CIP2A: variants seen among roughly 807,000 people sequenced by gnomAD.
The protein encoded by CIP2A is protein CIP2A.
CIP2A carries 103 observed loss-of-function variants against 110.9 expected under a neutral mutation model. The observed-to-expected ratio is 0.93, with a 90% confidence interval of 0.79 to 1.09. The LOEUF (loss-of-function observed/expected upper bound fraction) is 1.09, where lower values mean the gene tolerates loss of function less well. Among genes scored for constraint, CIP2A ranks in the 50% least tolerant of loss-of-function variants. The pLI is 0.00. For synonymous variants in CIP2A, 381 were observed against 361.6 expected (o/e 1.05, Z -0.61); for missense variants, 1,088 against 1,038.4 (o/e 1.05, Z -0.66).
At chr3:108,588,132 T>C (rs1044934128) in intron 1 of CIP2A, among the ~76,000 whole-genome samples, 2 of 152,176 alleles carry the variant, frequency 1.3e-5, no homozygotes. Context: ...TGCTTCAGAA[T>C]AGCATACAAA....
intron 14 of CIP2A, among the ~76,000 whole-genome samples, chr3:108,560,313 AG>A (rs1380263316): frequency 6.6e-6 from 1 of 152,046 alleles, no homozygotes; most frequent in Non-Finnish European, 1.5e-5. Context: ...CTGAGACAAC[AG>A]GCATGAGCCA....
rs537711957 is a variant in CIP2A at position 108,586,015 on chromosome 3, A to C, written c.103-803T>G. Among the ~76,000 whole-genome samples, 3 of 152,268 alleles carry C rather than the reference A, an allele frequency of 2.0e-5. No individual in the cohort carries two copies. The East Asian group carries it at 5.8e-4, about 29-fold the overall frequency. On this transcript the variant is annotated intron_variant, in intron 1 of 20. Coordinates refer to ENST00000295746, the MANE Select transcript of CIP2A (RefSeq NM_020890.3). ...AATTTTCAACATACTTTATGGATGT[A>C]TTTATTACAAAGCATATCTTTTCTA...
intron 16 of CIP2A, 29 bp from the exon 17 acceptor site, chr3:108,557,443 C>A: frequency 6.6e-7 from 1 of 1,510,982 alleles, no homozygotes; most frequent in Non-Finnish European, 9.0e-7. Context: ...ATAGACTTTA[C>A]CACTATCATC....
At chr3:108,561,119 CAA>C (rs1476643044) in intron 13 of CIP2A, among the ~76,000 whole-genome samples, 1 of 152,086 alleles carries the variant, frequency 6.6e-6, no homozygotes, top group Non-Finnish European at 1.5e-5. Context: ...GTAATAAGTA[CAA>C]AGTTATTGGT....
chr3:108,577,885 C>CGA (rs1434547004), intron 7 of CIP2A, among the ~76,000 whole-genome samples: 1 of 151,958 alleles, frequency 6.6e-6, no homozygotes, highest in Non-Finnish European at 1.5e-5. Context: ...GGCAATAGAG[C>CGA]GAGACTCTGT....
chr3:108,583,316 GAT>G (rs775112057), intron 2 of CIP2A, among the ~76,000 whole-genome samples: 2 of 151,804 alleles, frequency 1.3e-5, no homozygotes, highest in Non-Finnish European at 2.9e-5. Context: ...CTTTTTCTTT[GAT>G]ACTAATTATT....
At position 108,563,372 on chromosome 3, in the gene CIP2A, GA is replaced by G. The variant is rs148610145; in HGVS notation, c.1516-129del. 1,534 of 664,490 alleles carry G rather than the reference GA, an allele frequency of 2.3e-3. 11 individuals are homozygous for G. The African/African-American group carries it at 0.024, about 10-fold the overall frequency. The allele number at this position is 664,490 out of a possible 1,614,324, so 41.2% of individuals were successfully genotyped here. A position where few individuals can be genotyped will look rare whatever the true frequency, so the allele number is the denominator to read the frequency against. On this transcript the variant is annotated intron_variant, in intron 12 of 20. Transcript: ENST00000295746. Reference sequence around the variant, plus strand: ...AAATTCTAAAATGTTTCTAATGTTTGAATATATTATAGTCTATATAGTTTGA... The same window carrying G: ...AAATTCTAAAATGTTTCTAATGTTTGATATATTATAGTCTATATAGTTTGA...
Position 108,589,400 on chromosome 3 carries a change from G to A in CIP2A, c.-25C>T, listed in dbSNP as rs1271348623. ...TTGCACCGGCCGCGGCCCGGCTTAG[G>A]GACCACCACCGCCCAGCGTGCGCCG... On this transcript the variant is annotated 5_prime_UTR_variant, in exon 1 of 21. Transcript: ENST00000295746. 2 of 1,551,884 alleles carry A rather than the reference G, an allele frequency of 1.3e-6. No individual in the cohort carries two copies. Among genetic ancestry groups the A allele is most frequent in the South Asian group, 1.1e-5 (1 of 87,990 alleles).
chr3:108,568,954 T>C (rs915961672), intron 9 of CIP2A, among the ~76,000 whole-genome samples: 3 of 151,072 alleles, frequency 2.0e-5, no homozygotes. Context: ...ATGTGGAGTT[T>C]TGTCTGTATC....
chr3:108,582,505 C>G (rs1007971545), intron 3 of CIP2A, among the ~76,000 whole-genome samples: 1 of 152,170 alleles, frequency 6.6e-6, no homozygotes, highest in Non-Finnish European at 1.5e-5. Context: ...TTTATCACCT[C>G]TAAAACTGCA....
intron 1 of CIP2A, among the ~76,000 whole-genome samples, chr3:108,588,565 A>C (rs569788612): frequency 6.6e-6 from 1 of 152,354 alleles, no homozygotes; most frequent in East Asian, 1.9e-4. Flanking sequence ...ACAGAGAGTT[A>C]AAATAAGCCT....
chr3:108,587,430 GTA>G (rs983383042), intron 1 of CIP2A, among the ~76,000 whole-genome samples: 3 of 152,156 alleles, frequency 2.0e-5, no homozygotes, highest in Non-Finnish European at 4.4e-5. Context: ...AGTACATATT[GTA>G]TGAGTCTACT....
chr3:108,580,621 ATT>A (rs1237931059), intron 5 of CIP2A, among the ~76,000 whole-genome samples: 3 of 151,412 alleles, frequency 2.0e-5, no homozygotes, highest in Admixed American at 2.0e-4. Flanking sequence ...GACTTGCTTG[ATT>A]TAATATACTT....
rs1938782691 is a variant in CIP2A at position 108,579,324 on chromosome 3, T to C, written c.775A>G (p.Met259Val). 4 of 1,609,616 alleles carry C rather than the reference T, an allele frequency of 2.5e-6. No individual in the cohort carries two copies. The highest frequency in any genetic ancestry group is 4.5e-5 in the East Asian group (2 of 44,708). Residue 259 changes from methionine to valine, a missense_variant, in exon 7 of 21, where the codon ATG becomes GTG. Transcript: ENST00000295746. ...LTRKYSVDLL[M>V]DLLKNPKIAD... is the part of the protein sequence containing the mutation. ...ATTTTAGGATTCTTAAGGAGATCCA[T>C]CAGTAGGTCAACTGAATACTTTCTA...
Position 108,575,844 on chromosome 3 carries a change from T to A in CIP2A, c.894+427A>T, listed in dbSNP as rs201054860. ...CATGTGTATATACGTGTATATATAC[T>A]CATATACATGTGTATATACACGTAT... On this transcript the variant is annotated intron_variant, in intron 8 of 20. Coordinates refer to ENST00000295746, the MANE Select transcript of CIP2A (RefSeq NM_020890.3). Among the ~76,000 whole-genome samples, 4 of 113,382 alleles carry A rather than the reference T, an allele frequency of 3.5e-5. 1 individual carries two copies. Among genetic ancestry groups the A allele is most frequent in the African/African-American group, 5.7e-5 (2 of 34,890 alleles). The allele number at this position is 113,382 out of a possible 152,430, so 74.4% of individuals were successfully genotyped here. A position where few individuals can be genotyped will look rare whatever the true frequency, so the allele number is the denominator to read the frequency against.
Position 108,552,344 on chromosome 3 carries a change from C to T in CIP2A, c.2437G>A (p.Glu813Lys). 4 of 1,536,846 alleles carry T rather than the reference C, an allele frequency of 2.6e-6. No homozygotes were observed. Among genetic ancestry groups the T allele is most frequent in the African/African-American group, 1.4e-5 (1 of 70,774 alleles). ...TCCTTTTGTAAGGTTTTAATCTTTT[C>T]TTCTTGTACTTTTGTTTTTTGATGC... ...NLHQKTKVQE[E>K]KIKTLQKERE... is the part of the protein sequence containing the mutation. Residue 813 changes from glutamate to lysine, a missense_variant, in exon 20 of 21, where the codon GAA becomes AAA. Glu to Lys is a moderately conservative substitution (Grantham distance 56). Transcript: ENST00000295746.
At position 108,583,022 on chromosome 3, in the gene CIP2A, CG is replaced by C; in HGVS notation, c.311del (p.Ala104GlyfsTer24). On this transcript the variant is annotated frameshift_variant, in exon 3 of 21. Transcript: ENST00000295746. LOFTEE classifies it high-confidence loss of function. ...TGTGGCTGCTCCGACAAACCACTCC[CG>C]CCAGCACACTATTCAGATTATATGT... Reference protein sequence around the residue: ...QNTYNLNSVLAGVVCRSSHTD... With the variant: ...QNTYNLNSVLXGVVCRSSHTD... The C allele has an allele frequency of 1.2e-6, 2 of 1,609,948 alleles. No individual in the cohort carries two copies. Among genetic ancestry groups the C allele is most frequent in the South Asian group, 2.2e-5 (2 of 90,180 alleles).
intron 8 of CIP2A, among the ~76,000 whole-genome samples, chr3:108,574,043 T>C (rs1316407241): frequency 6.6e-6 from 1 of 152,054 alleles, no homozygotes; most frequent in East Asian, 1.9e-4. Context: ...CAATAAACAC[T>C]AAATTGATCT....
intron 7 of CIP2A, among the ~76,000 whole-genome samples, chr3:108,577,386 A>G (rs1226999666): frequency 6.6e-6 from 1 of 152,210 alleles, no homozygotes. Flanking sequence ...CAACTGCTTC[A>G]GAAAAGACAA....
Sources: allele counts gnomAD v4.1 joint callset (sites outside exome capture counted in the v4.1 genomes callset), GRCh38; gene constraint gnomAD v4.1.1; transcripts MANE v1.5; gene names NCBI Gene and HGNC (gene_info 2026-07-23, HGNC 2026-07-21).